The following TAF2 variants were observed in gnomAD, a reference collection of about 807,000 sequenced individuals.
TAF2 encodes the protein transcription initiation factor TFIID subunit 2.
TAF2 carries 61 observed loss-of-function variants against 138.5 expected under a neutral mutation model. The ratio of observed to expected loss-of-function variants is 0.44; its 90% confidence interval spans 0.36 to 0.54. TAF2 has a LOEUF of 0.54. Ranked by LOEUF, TAF2 falls within the 20% of genes least tolerant of loss-of-function variation. The probability of loss-of-function intolerance (pLI) is 0.00; values close to 1 mark genes in which losing one functional copy is unlikely to be tolerated. For synonymous variants in TAF2, 475 were observed against 469.9 expected, an observed-to-expected ratio of 1.01 and a Z score of -0.14; for missense variants, 1,090 against 1,427.9, an observed-to-expected ratio of 0.76 and a Z score of 3.81.
At position 119,806,387 on chromosome 8, in the gene TAF2, T is replaced by C; in HGVS notation, c.314A>G (p.Tyr105Cys). Reference sequence around the variant, plus strand: ...TGCAGCTGCATAAGCATTGGAAAAATAATTGAGGTTTCTCCTGGGGAAAAA... The same window carrying C: ...TGCAGCTGCATAAGCATTGGAAAAACAATTGAGGTTTCTCCTGGGGAAAAA... ...HSESKQRNLN[Y>C]FSNAYAAAVS... The change falls in exon 4 of 26, where the codon TAT becomes TGT. Residue 105 changes from tyrosine (Y) to cysteine (C), a missense_variant. Physicochemically the swap from Tyr to Cys is radical, Grantham distance 194. Around this residue, in one of 3 missense-constraint regions of TAF2, gnomAD observed 504 missense variants for 680.9 expected, o/e 0.74. Transcript: ENST00000378164. The C allele has an allele frequency of 1.2e-6, 2 of 1,613,088 alleles. No homozygotes were observed. The highest frequency in any genetic ancestry group is 1.7e-6 in the Non-Finnish European group (2 of 1,179,566).
intron 18 of TAF2, among the ~76,000 whole-genome samples, chr8:119,766,563 G>T (rs1234696845): frequency 1.3e-5 from 2 of 152,174 alleles, no homozygotes; most frequent in Non-Finnish European, 2.9e-5. Flanking sequence ...GCTGAGGTGG[G>T]TGGATTACTT....
At chr8:119,809,549 C>A (rs1403663795) in intron 3 of TAF2, among the ~76,000 whole-genome samples, 1 of 152,176 alleles carries the variant, frequency 6.6e-6, no homozygotes, top group Admixed American at 6.5e-5. Flanking sequence ...AGCTTTTGGC[C>A]TTCCTCCCTA....
chr8:119,780,147 T>C (rs887892370), intron 17 of TAF2, among the ~76,000 whole-genome samples: 1 of 15,822 alleles, frequency 6.3e-5, no homozygotes, highest in Non-Finnish European at 8.9e-5. Flanking sequence ...GATCTCTGCC[T>C]TCATTATGAA....
intron 4 of TAF2, among the ~76,000 whole-genome samples, chr8:119,805,597 T>A (rs1266300957): frequency 6.6e-6 from 1 of 151,762 alleles, no homozygotes; most frequent in Non-Finnish European, 1.5e-5. Flanking sequence ...TCCTAGCTAC[T>A]CGGTGGCTGC....
chr8:119,790,808 T>TG (rs1159291871), intron 11 of TAF2, among the ~76,000 whole-genome samples: 3 of 152,052 alleles, frequency 2.0e-5, no homozygotes, highest in African/African-American at 7.3e-5. Context: ...TCTAGTTTTT[T>TG]TTTCTTTTGA....
chr8:119,828,991 TAGTC>T (rs1826268606), intron 2 of TAF2, among the ~76,000 whole-genome samples: 1 of 152,210 alleles, frequency 6.6e-6, no homozygotes, highest in Non-Finnish European at 1.5e-5. Context: ...AAAAAACAAG[TAGTC>T]AGCCATTACC....
At position 119,797,063 on chromosome 8, in the gene TAF2, G is replaced by T; in HGVS notation, c.1018C>A (p.Pro340Thr). 1.2e-6 allele frequency: 2 copies of T among 1,613,214 alleles called. No homozygotes were observed. Among genetic ancestry groups the T allele is most frequent in the Non-Finnish European group, 1.7e-6 (2 of 1,179,524 alleles). Residue 340 changes from proline to threonine, a missense_variant, in exon 8 of 26, where the codon CCT becomes ACT. By Grantham distance (38) the Pro-to-Thr change is conservative (BLOSUM62 -1). Transcript: ENST00000378164. ...LHSAMIIDET[P>T]LTRRCLAQSL... ...TGGGCTAAACACCTTCTAGTCAAAG[G>T]TGTCTCATCTATAATCATGGCACTG...
chr8:119,777,915 A>G (rs560031425), intron 18 of TAF2, 104 bp downstream of exon 18: 1 of 655,536 alleles, frequency 1.5e-6, no homozygotes, highest in East Asian at 2.8e-5. Flanking sequence ...TATAGACTAA[A>G]TATTTATTTA....
intron 2 of TAF2, among the ~76,000 whole-genome samples, chr8:119,825,201 A>C (rs1375357106): frequency 6.6e-6 from 1 of 152,236 alleles, no homozygotes; most frequent in African/African-American, 2.4e-5. Flanking sequence ...CATGGAGTCA[A>C]GGGAGATCAT....
chr8:119,760,045 C>G (rs1820957541), intron 20 of TAF2, among the ~76,000 whole-genome samples: 1 of 152,006 alleles, frequency 6.6e-6, no homozygotes, highest in South Asian at 2.1e-4. Context: ...CCAGAGTATT[C>G]TGTTGTTTCT....
chr8:119,791,193 C>T, intron 11 of TAF2, 131 bp downstream of exon 11: 1 of 1,005,590 alleles, frequency 9.9e-7, no homozygotes, highest in Non-Finnish European at 1.4e-6. Context: ...AAATATAAAG[C>T]ACAGGTTACT....
intron 21 of TAF2, 58 bp downstream of exon 21, chr8:119,758,015 T>C: frequency 7.2e-7 from 1 of 1,382,972 alleles, no homozygotes; most frequent in Non-Finnish European, 1.0e-6. Flanking sequence ...TAATCTGAAA[T>C]TACTCAGTTC....
intron 4 of TAF2, among the ~76,000 whole-genome samples, chr8:119,805,891 C>T (rs988547352): frequency 1.4e-5 from 2 of 147,958 alleles, no homozygotes; most frequent in Non-Finnish European, 3.0e-5. Context: ...AATGTTCTTT[C>T]GTTTTGTTTT....
chr8:119,739,509 C>T (rs919919398), intron 25 of TAF2, among the ~76,000 whole-genome samples: 2 of 151,930 alleles, frequency 1.3e-5, no homozygotes, highest in South Asian at 4.2e-4. Flanking sequence ...ACTGGGGAAG[C>T]AAGGTTAAAA....
chr8:119,751,406 T>TA (rs1481808816), intron 22 of TAF2, among the ~76,000 whole-genome samples: 1 of 152,186 alleles, frequency 6.6e-6, no homozygotes, highest in Non-Finnish European at 1.5e-5. Flanking sequence ...CTTCAGAACA[T>TA]AAGGCTTTTA....
At chr8:119,746,983 A>T in intron 22 of TAF2, 49 bp from the exon 23 acceptor site, 1 of 1,563,794 alleles carries the variant, frequency 6.4e-7, no homozygotes, top group Non-Finnish European at 8.8e-7. Context: ...ATTGATTCAT[A>T]CATTTTAACT....
intron 19 of TAF2, 64 bp downstream of exon 19, chr8:119,762,351 C>T (rs984127306): frequency 1.3e-4 from 200 of 1,503,548 alleles, no homozygotes; most frequent in South Asian, 2.3e-4. Context: ...TTTTCTATAA[C>T]AAAAATAAAT....
At chr8:119,757,586 A>ATTT (rs755457771) in intron 21 of TAF2, among the ~76,000 whole-genome samples, 1 of 139,376 alleles carries the variant, frequency 7.2e-6, no homozygotes. Flanking sequence ...TCTGCTAATA[A>ATTT]TTTTTTTTTT....
chr8:119,752,981 T>C (rs1563830150), intron 22 of TAF2, among the ~76,000 whole-genome samples: 1 of 152,208 alleles, frequency 6.6e-6, no homozygotes, highest in Non-Finnish European at 1.5e-5. Flanking sequence ...TTTGGGGACT[T>C]AAATGATGCT....
Sources: gnomAD v4.1 joint callset for allele counts (sites outside exome capture counted in the v4.1 genomes callset) on GRCh38, gnomAD v4.1.1 for gene constraint, gnomAD v4.1.1 regional missense constraint, MANE v1.5 for transcripts, NCBI Gene and HGNC (gene_info 2026-07-23, HGNC 2026-07-21) for gene names.